LRP1B: variants seen among roughly 807,000 people sequenced by gnomAD.
LRP1B encodes low-density lipoprotein receptor-related protein 1B.
LRP1B carries 217 observed loss-of-function variants against 556.6 expected under a neutral mutation model. That is an observed-to-expected ratio of 0.39 (90% confidence interval 0.35 to 0.44). The LOEUF (loss-of-function observed/expected upper bound fraction) is 0.44, where lower values mean the gene tolerates loss of function less well. Ranked by LOEUF, LRP1B falls within the 20% of genes least tolerant of loss-of-function variation. The pLI is 1.00. For synonymous variants in LRP1B, 2,047 were observed against 1,865.8 expected, an observed-to-expected ratio of 1.10 and a Z score of -2.50; for missense variants, 5,053 against 5,620.8, an observed-to-expected ratio of 0.90 and a Z score of 3.23.
intron 66 of LRP1B, among the ~76,000 whole-genome samples, chr2:140,398,374 A>G (rs1030939504): frequency 6.6e-6 from 1 of 152,178 alleles, no homozygotes; most frequent in African/African-American, 2.4e-5. Flanking sequence ...CTTGTTTTAT[A>G]TGCATCCAAA....
intron 37 of LRP1B, among the ~76,000 whole-genome samples, chr2:140,715,135 G>A (rs1389685830): frequency 6.6e-6 from 1 of 151,932 alleles, no homozygotes; most frequent in African/African-American, 2.4e-5. Flanking sequence ...GAGAGTAACA[G>A]GAGTTTCAGA....
At chr2:141,047,767 C>T (rs1048532751) in intron 11 of LRP1B, among the ~76,000 whole-genome samples, 4 of 152,016 alleles carry the variant, frequency 2.6e-5, no homozygotes, top group East Asian at 1.9e-4. Context: ...ATTTAGGTCC[C>T]CCACACCCTC....
intron 1 of LRP1B, among the ~76,000 whole-genome samples, chr2:141,853,812 G>A (rs188558593): frequency 2.6e-5 from 4 of 152,106 alleles, no homozygotes; most frequent in African/African-American, 9.6e-5. Flanking sequence ...ATGCATTTCT[G>A]AGAAAAGAGT....
chr2:141,692,107 G>A (rs959121985), intron 2 of LRP1B, among the ~76,000 whole-genome samples: 1 of 151,776 alleles, frequency 6.6e-6, no homozygotes, highest in Non-Finnish European at 1.5e-5. Flanking sequence ...ATCTTTCCTT[G>A]TTTAGATTAA....
At chr2:140,879,385 T>TC (rs1349415659) in intron 25 of LRP1B, among the ~76,000 whole-genome samples, 1 of 152,176 alleles carries the variant, frequency 6.6e-6, no homozygotes, top group Non-Finnish European at 1.5e-5. Context: ...AGTGATCCCT[T>TC]CATTTCTTCA....
intron 1 of LRP1B, among the ~76,000 whole-genome samples, chr2:142,028,462 A>T (rs1053328709): frequency 6.6e-6 from 1 of 151,920 alleles, no homozygotes; most frequent in Non-Finnish European, 1.5e-5. Flanking sequence ...GGCTTCTTTC[A>T]CTTAGCTTAA....
At chr2:141,127,654 T>A (rs1379559338) in intron 7 of LRP1B, among the ~76,000 whole-genome samples, 1 of 152,208 alleles carries the variant, frequency 6.6e-6, no homozygotes, top group Admixed American at 6.5e-5. Flanking sequence ...TTCTCTTCAA[T>A]GGAGTTTAAG....
intron 2 of LRP1B, among the ~76,000 whole-genome samples, chr2:141,602,371 T>C (rs1463887869): frequency 6.6e-6 from 1 of 152,178 alleles, no homozygotes; most frequent in African/African-American, 2.4e-5. Context: ...GCTGTCAAAG[T>C]GTAATCCACA....
At chr2:141,759,298 C>G (rs1416635395) in intron 2 of LRP1B, among the ~76,000 whole-genome samples, 1 of 152,070 alleles carries the variant, frequency 6.6e-6, no homozygotes. Context: ...CTCATTTGCC[C>G]TGATAGAAGG....
intron 2 of LRP1B, among the ~76,000 whole-genome samples, chr2:141,516,403 C>A (rs1459499091): frequency 2.6e-5 from 4 of 152,142 alleles, no homozygotes; most frequent in Non-Finnish European, 5.9e-5. Context: ...AAATACTAAT[C>A]ATAATGTTAG....
rs185609230 is a variant in LRP1B, at chr2:140,402,459, C to G, written c.10415-16450G>C. ...CACCTGTAGACTGCCTTCACAGTGACTGCATCCCCACAGGAGGAGCACCGC... is the reference window on the plus strand; with the variant it reads ...CACCTGTAGACTGCCTTCACAGTGAGTGCATCCCCACAGGAGGAGCACCGC... On this transcript the variant is annotated intron_variant, in intron 66 of 90. Transcript: ENST00000389484. Among the ~76,000 whole-genome samples the G allele has an allele frequency of 2.2e-4, 33 of 152,330 alleles. 3 individuals carry two copies. The highest frequency in any genetic ancestry group is 6.5e-4 in the African/African-American group (27 of 41,578).
chr2:141,050,277 GT>G (rs1324439433), intron 10 of LRP1B, among the ~76,000 whole-genome samples: 2 of 151,648 alleles, frequency 1.3e-5, no homozygotes, highest in African/African-American at 4.8e-5. Context: ...CTTTTCTTGT[GT>G]TTTTTAAATT....
At chr2:140,382,552 C>T (rs975599957) in intron 67 of LRP1B, among the ~76,000 whole-genome samples, 5 of 151,900 alleles carry the variant, frequency 3.3e-5, no homozygotes, top group Non-Finnish European at 4.4e-5. Context: ...GCAAAGTGTC[C>T]CTGCTGAACA....
intron 41 of LRP1B, among the ~76,000 whole-genome samples, chr2:140,631,184 A>T (rs530367248): frequency 1.5e-3 from 228 of 152,330 alleles, no homozygotes; most frequent in Middle Eastern, 3.4e-3. Context: ...TGCCAGGTTA[A>T]CATAAAACCA....
chr2:140,694,720 A>G (rs1686365065), intron 41 of LRP1B, among the ~76,000 whole-genome samples: 3 of 152,074 alleles, frequency 2.0e-5, no homozygotes, highest in Admixed American at 1.3e-4. Context: ...TTATCCTCCA[A>G]GTTTCACAAG....
At chr2:140,914,536 T>G (rs1694517958) in intron 21 of LRP1B, among the ~76,000 whole-genome samples, 1 of 151,978 alleles carries the variant, frequency 6.6e-6, no homozygotes, top group Admixed American at 6.6e-5. Context: ...TGGCGGAAAT[T>G]TTGGAGTCCT....
At chr2:141,046,567 CCTT>C (rs1399019702) in intron 11 of LRP1B, among the ~76,000 whole-genome samples, 1 of 152,050 alleles carries the variant, frequency 6.6e-6, no homozygotes, top group African/African-American at 2.4e-5. Context: ...GTTCTCATAA[CCTT>C]CATACTGTCA....
chr2:140,836,179 A>G (rs1573783555), intron 31 of LRP1B, among the ~76,000 whole-genome samples: 1 of 152,198 alleles, frequency 6.6e-6, no homozygotes, highest in Non-Finnish European at 1.5e-5. Context: ...TTTAGAGTAT[A>G]TAAGTATGGA....
At chr2:140,287,773 C>T (rs935808318) in intron 84 of LRP1B, among the ~76,000 whole-genome samples, 1 of 151,648 alleles carries the variant, frequency 6.6e-6, no homozygotes, top group African/African-American at 2.4e-5. Context: ...GTGAAGCAAC[C>T]CCTGCTACAC....
Sources: allele counts gnomAD v4.1 joint callset (sites outside exome capture counted in the v4.1 genomes callset), GRCh38; gene constraint gnomAD v4.1.1; transcripts MANE v1.5; gene names NCBI Gene and HGNC (gene_info 2026-07-23, HGNC 2026-07-21).